The following COPS7B variants were observed in gnomAD, a reference collection of about 807,000 sequenced individuals.
COPS7B encodes COP9 signalosome complex subunit 7b.
Under a neutral mutation model 33.4 loss-of-function variants are expected in COPS7B, and 9 were observed. That is an observed-to-expected ratio of 0.27 (90% CI 0.16 to 0.47). The LOEUF is 0.47. Among genes scored for constraint, COPS7B ranks in the 20% least tolerant of loss-of-function variants. The pLI is 0.99. For synonymous variants in COPS7B, 119 were observed against 126.3 expected (o/e 0.94, Z 0.39); for missense variants, 242 against 318.2 (o/e 0.76, Z 1.82).
chr2:231,795,851 T>A (rs1229563810), intron 4 of COPS7B, among the ~76,000 whole-genome samples: 1 of 152,164 alleles, frequency 6.6e-6, no homozygotes, highest in African/African-American at 2.4e-5. Context: ...TCTCTACAAG[T>A]ATGCTGCAGC....
chr2:231,795,578 G>A (rs2049544503), intron 4 of COPS7B, among the ~76,000 whole-genome samples: 1 of 152,202 alleles, frequency 6.6e-6, no homozygotes, highest in African/African-American at 2.4e-5. Context: ...ATTCATATTG[G>A]TTGTGTCTGA....
chr2:231,801,931 C>T (rs182158637), intron 6 of COPS7B, among the ~76,000 whole-genome samples: 5 of 152,098 alleles, frequency 3.3e-5, no homozygotes, highest in Admixed American at 2.6e-4. Context: ...CCCGCCACCA[C>T]GCCCAGCTAA....
chr2:231,785,609 AAATG>A (rs2049221696), upstream of COPS7B, among the ~76,000 whole-genome samples: 1 of 152,232 alleles, frequency 6.6e-6, no homozygotes, highest in African/African-American at 2.4e-5. Context: ...GTTTTTGAAT[AAATG>A]AATGAGTTGG....
At chr2:231,798,644 C>T (rs1574670483) in intron 5 of COPS7B, among the ~76,000 whole-genome samples, 1 of 152,284 alleles carries the variant, frequency 6.6e-6, no homozygotes, top group East Asian at 1.9e-4. Context: ...AGAAACTAGC[C>T]CCAGACTACC....
chr2:231,789,532 T>C (rs1034600657), intron 2 of COPS7B: 3 of 153,064 alleles, frequency 2.0e-5, no homozygotes, highest in African/African-American at 7.2e-5. Context: ...CTTCTGGCTA[T>C]GCAGACTGGT....
intron 6 of COPS7B, among the ~76,000 whole-genome samples, chr2:231,802,970 T>C (rs1224048727): frequency 6.6e-6 from 1 of 152,252 alleles, no homozygotes; most frequent in African/African-American, 2.4e-5. Flanking sequence ...AAAGGCTCAT[T>C]TCCTAGGCTT....
At position 231,807,995 on chromosome 2, in the gene COPS7B, G is replaced by A. The variant is rs189756998; in HGVS notation, c.*350G>A. 6 of 202,880 alleles carry A rather than the reference G, an allele frequency of 3.0e-5. No homozygotes were observed. Among genetic ancestry groups the A allele is most frequent in the African/African-American group, 9.4e-5 (4 of 42,598 alleles). The allele number at this position is 202,880 out of a possible 1,614,324, so 12.6% of individuals were successfully genotyped here. A position where few individuals can be genotyped will look rare whatever the true frequency, so the allele number is the denominator to read the frequency against. On this transcript the variant is annotated 3_prime_UTR_variant, in exon 7 of 7. Coordinates refer to ENST00000350033, the MANE Select transcript of COPS7B (RefSeq NM_022730.4). The stretch of plus-strand genomic sequence containing the variant: ...CATTTTGTCAGGCTGGTTATAAGCC[G>A]GAGGCAGCTTTAACCAGCCCCCAGG...
In COPS7B at chr2:231,808,172, C is replaced by T. The variant is rs2049950569; in HGVS notation, c.*527C>T. On this transcript the variant is annotated 3_prime_UTR_variant, in exon 7 of 7. Transcript: ENST00000350033. ...CTGCCTCATCCCTTGTTGGCAGCTCCAGTTCAGGCCGTGGAGGGACGTGAT... is the reference window on the plus strand; with the variant it reads ...CTGCCTCATCCCTTGTTGGCAGCTCTAGTTCAGGCCGTGGAGGGACGTGAT... The T allele has an allele frequency of 3.5e-6, 1 of 282,690 alleles. No homozygotes were observed. The highest frequency in any genetic ancestry group is 7.0e-6 in the Non-Finnish European group (1 of 143,060). 17.5% of individuals were successfully genotyped at this position (282,690 alleles called of 1,614,324 possible).
intron 3 of COPS7B, 109 bp downstream of exon 3, chr2:231,791,917 C>T (rs533365728): frequency 3.1e-6 from 3 of 957,318 alleles, no homozygotes. Flanking sequence ...GACTTCTTGA[C>T]CTGGCTGCCT....
chr2:231,801,030 A>C (rs943909526), intron 6 of COPS7B: 10 of 849,194 alleles, frequency 1.2e-5, no homozygotes, highest in Non-Finnish European at 1.7e-5. Context: ...AATCAGGGTG[A>C]TTCTGTCGTA....
At chr2:231,791,530 G>C in intron 2 of COPS7B, 1 of 571,784 alleles carries the variant, frequency 1.7e-6, no homozygotes, top group Non-Finnish European at 3.1e-6. Context: ...CTGAGAGAGA[G>C]AAATTAAATT....
upstream of COPS7B, chr2:231,781,747 C>A: frequency 7.7e-7 from 1 of 1,304,966 alleles, no homozygotes; most frequent in Non-Finnish European, 1.1e-6. Context: ...ATTCACAAAC[C>A]CGCCCGCTGA....
intron 3 of COPS7B, among the ~76,000 whole-genome samples, chr2:231,792,782 ACTTAC>A (rs1286958986): frequency 6.6e-6 from 1 of 152,146 alleles, no homozygotes; most frequent in Non-Finnish European, 1.5e-5. Context: ...CCAAACACTA[ACTTAC>A]CTTCTACCCA....
chr2:231,790,084 T>G (rs2049368624), intron 2 of COPS7B: 1 of 152,240 alleles, frequency 6.6e-6, no homozygotes, highest in Non-Finnish European at 1.5e-5. Context: ...AAAATTTAAT[T>G]TACCAGAAGT....
upstream of COPS7B, among the ~76,000 whole-genome samples, chr2:231,782,145 T>A (rs547304698): frequency 1.3e-5 from 2 of 152,324 alleles, no homozygotes; most frequent in Non-Finnish European, 2.9e-5. Flanking sequence ...TGGCCACAGA[T>A]CACAGCAAGT....
chr2:231,800,605 T>C (rs553723442), intron 6 of COPS7B, among the ~76,000 whole-genome samples: 1 of 152,352 alleles, frequency 6.6e-6, no homozygotes, highest in East Asian at 1.9e-4. Context: ...AGAGCTATTG[T>C]AGACACTTGG....
rs565091934 is a variant in COPS7B, at chr2:231,802,373, C to T, written c.636+3409C>T. On this transcript the variant is annotated intron_variant, in intron 6 of 6. Transcript: ENST00000350033. ...TCCAGTTGTGCACTGTGTTTCCTCT[C>T]GTCTGCCTTTGCTTTGCCCCTCAAC... 8.6e-4 allele frequency among the ~76,000 whole-genome samples: 131 copies of T among 152,322 alleles called. 1 individual carries two copies. Among genetic ancestry groups the T allele is most frequent in the African/African-American group, 2.9e-3 (121 of 41,578 alleles).
Position 231,794,090 on chromosome 2 carries a change from TG to T in COPS7B, c.239-171del, listed in dbSNP as rs539942056. On this transcript the variant is annotated intron_variant, in intron 3 of 6. Coordinates refer to ENST00000350033, the MANE Select transcript of COPS7B (RefSeq NM_022730.4). ...TGTAGAAACTGAGTCTTTTCTTCTT[TG>T]GAAGTACATAGTCTTCCAAAGAAGA... 8.0e-4 allele frequency: 413 copies of T among 518,952 alleles called. 3 individuals carry two copies. Among genetic ancestry groups the T allele is most frequent in the African/African-American group, 7.0e-3 (362 of 52,020 alleles). 32.1% of individuals were successfully genotyped at this position (518,952 alleles called of 1,614,324 possible).
intron 5 of COPS7B, among the ~76,000 whole-genome samples, chr2:231,796,750 G>A (rs1027904166): frequency 6.6e-6 from 1 of 151,954 alleles, no homozygotes; most frequent in Non-Finnish European, 1.5e-5. Context: ...AAGATTCTTC[G>A]GATAAAAGAA....
Sources: gnomAD v4.1 joint callset for allele counts (sites outside exome capture counted in the v4.1 genomes callset) on GRCh38, gnomAD v4.1.1 for gene constraint, MANE v1.5 for transcripts, NCBI Gene and HGNC (gene_info 2026-07-23, HGNC 2026-07-21) for gene names.